Variants in SDK1 observed in about 807,000 individuals in gnomAD.
The protein encoded by SDK1 is protein sidekick-1.
SDK1 carries 157 observed loss-of-function variants against 245.5 expected under a neutral mutation model. That is an observed-to-expected ratio of 0.64 (90% CI 0.56 to 0.73). SDK1 has a LOEUF of 0.73. Ranked by LOEUF, SDK1 falls within the 30% of genes least tolerant of loss-of-function variation. The pLI, the probability that SDK1 is intolerant of heterozygous loss-of-function variation, is 0.00. For synonymous variants in SDK1, 1,647 were observed against 1,278.5 expected (o/e 1.29, Z -6.15); for missense variants, 3,583 against 3,002.3 (o/e 1.19, Z -4.52).
At chr7:4,053,744 C>A (rs1378818707) in intron 19 of SDK1, among the ~76,000 whole-genome samples, 2 of 152,086 alleles carry the variant, frequency 1.3e-5, no homozygotes, top group Non-Finnish European at 2.9e-5. Context: ...GATTTCTTGA[C>A]CCTCTGAGAC....
At chr7:4,163,768 G>T (rs1200713033) in intron 32 of SDK1, among the ~76,000 whole-genome samples, 1 of 152,208 alleles carries the variant, frequency 6.6e-6, no homozygotes, top group Admixed American at 6.5e-5. Context: ...GCAGAGCCAG[G>T]CTGGGCTGTG....
rs910507505 is a variant in SDK1, at chr7:3,572,868, G to A, written c.299-46212G>A. Among the ~76,000 whole-genome samples, 21 of 152,070 alleles carry A rather than the reference G, an allele frequency of 1.4e-4. No individual in the cohort carries two copies. The South Asian group carries it at 2.3e-3, about 17-fold the overall frequency. ...GAAATGTATTCACCTGAAGAAGGGA[G>A]GAAGAGATTCCTGGAAGAATTCCAT... On this transcript the variant is annotated intron_variant, in intron 1 of 44. Coordinates refer to ENST00000404826, the MANE Select transcript of SDK1 (RefSeq NM_152744.4).
chr7:3,659,221 AT>A (rs1783281112), intron 4 of SDK1, among the ~76,000 whole-genome samples: 1 of 152,092 alleles, frequency 6.6e-6, no homozygotes, highest in Non-Finnish European at 1.5e-5. Flanking sequence ...AAGAAGGGAC[AT>A]TCCTTCTTTC....
chr7:3,479,122 C>A (rs73038513), intron 1 of SDK1, among the ~76,000 whole-genome samples: 23,340 of 152,002 alleles, frequency 0.15, 3,060 homozygotes, highest in African/African-American at 0.36. Flanking sequence ...TTTGCATAAG[C>A]ATATCTATTG....
chr7:3,943,092 C>T (rs998667457), intron 5 of SDK1, among the ~76,000 whole-genome samples: 1 of 152,214 alleles, frequency 6.6e-6, no homozygotes, highest in Non-Finnish European at 1.5e-5. Context: ...TGAATCCAGA[C>T]ACGGAAGACA....
At chr7:3,654,074 CTG>C (rs1357547247) in intron 4 of SDK1, among the ~76,000 whole-genome samples, 1 of 152,180 alleles carries the variant, frequency 6.6e-6, no homozygotes, top group Non-Finnish European at 1.5e-5. Context: ...GTAGCTGTCT[CTG>C]TAACTTAGAG....
At chr7:3,980,976 A>T (rs1783357370) in intron 13 of SDK1, among the ~76,000 whole-genome samples, 1 of 152,172 alleles carries the variant, frequency 6.6e-6, no homozygotes, top group South Asian at 2.1e-4. Flanking sequence ...AATAGTTTAT[A>T]TTTCCAGAAT....
At chr7:3,801,413 A>G (rs1779103576) in intron 4 of SDK1, among the ~76,000 whole-genome samples, 1 of 152,176 alleles carries the variant, frequency 6.6e-6, no homozygotes, top group Non-Finnish European at 1.5e-5. Flanking sequence ...CTGAATGTTT[A>G]ATCCTTTTTT....
rs557262832 is a variant in SDK1, at chr7:3,551,226, T to G, written c.299-67854T>G. Among the ~76,000 whole-genome samples the G allele has an allele frequency of 2.2e-3, 338 of 152,340 alleles. 1 individual carries two copies. The highest frequency in any genetic ancestry group is 0.01 in the Middle Eastern group (3 of 294). On this transcript the variant is annotated intron_variant, in intron 1 of 44. Transcript: ENST00000404826. ...TCACACATCTGTGTTTGTAATGTAGTATTTATTAATACAGGTCATATAACA... is the reference window on the plus strand; with the variant it reads ...TCACACATCTGTGTTTGTAATGTAGGATTTATTAATACAGGTCATATAACA...
At chr7:4,148,174 A>G (rs1584293745) in intron 29 of SDK1, among the ~76,000 whole-genome samples, 2 of 152,268 alleles carry the variant, frequency 1.3e-5, no homozygotes, top group South Asian at 4.1e-4. Flanking sequence ...TGAAATCACA[A>G]GGGCCAGAAC....
chr7:3,312,113 A>C (rs1440542974), intron 1 of SDK1, among the ~76,000 whole-genome samples: 1 of 152,164 alleles, frequency 6.6e-6, no homozygotes, highest in Non-Finnish European at 1.5e-5. Flanking sequence ...AGGAATAAAA[A>C]AGGGACATCT....
intron 20 of SDK1, among the ~76,000 whole-genome samples, chr7:4,073,690 G>C (rs951149492): frequency 1.3e-5 from 2 of 152,160 alleles, no homozygotes; most frequent in East Asian, 3.9e-4. Context: ...CCAAGGTCAG[G>C]GATGTCTCAG....
intron 38 of SDK1, 23 bp from the exon 39 acceptor site, chr7:4,220,086 T>C: frequency 1.9e-6 from 3 of 1,609,310 alleles, no homozygotes; most frequent in Non-Finnish European, 2.5e-6. Context: ...CCCCCTTGTT[T>C]CCTTTGCTTC....
intron 22 of SDK1, among the ~76,000 whole-genome samples, chr7:4,080,075 G>C (rs1780957081): frequency 6.6e-6 from 1 of 152,158 alleles, no homozygotes; most frequent in Non-Finnish European, 1.5e-5. Flanking sequence ...GGAGAAAAGT[G>C]CTGTCTGGGA....
intron 1 of SDK1, among the ~76,000 whole-genome samples, chr7:3,516,462 T>A (rs879844469): frequency 6.6e-6 from 1 of 152,248 alleles, no homozygotes; most frequent in South Asian, 2.1e-4. Context: ...ATAGGTAATT[T>A]TTAGGTGTTC....
intron 30 of SDK1, among the ~76,000 whole-genome samples, chr7:4,156,748 C>A (rs1387251271): frequency 6.6e-6 from 1 of 152,190 alleles, no homozygotes; most frequent in Admixed American, 6.5e-5. Flanking sequence ...GCATGGAGCT[C>A]TTGTTGGCTG....
intron 22 of SDK1, among the ~76,000 whole-genome samples, chr7:4,107,949 A>C (rs551002683): frequency 6.6e-6 from 1 of 152,284 alleles, no homozygotes; most frequent in South Asian, 2.1e-4. Flanking sequence ...CTTTCAGCGT[A>C]ACATAGGCTG....
intron 1 of SDK1, among the ~76,000 whole-genome samples, chr7:3,503,784 T>C (rs898136856): frequency 6.6e-6 from 1 of 152,134 alleles, no homozygotes; most frequent in Non-Finnish European, 1.5e-5. Flanking sequence ...TTTTAAAATA[T>C]TGTTAAATCG....
intron 4 of SDK1, among the ~76,000 whole-genome samples, chr7:3,774,492 G>C (rs569681495): frequency 1.3e-5 from 2 of 152,286 alleles, no homozygotes; most frequent in East Asian, 3.9e-4. Flanking sequence ...CTGGGGCATG[G>C]GATAGGTAGC....
Sources: gnomAD v4.1 joint callset for allele counts (sites outside exome capture counted in the v4.1 genomes callset) on GRCh38, gnomAD v4.1.1 for gene constraint, MANE v1.5 for transcripts, NCBI Gene and HGNC (gene_info 2026-07-23, HGNC 2026-07-21) for gene names.